The following PTPRD variants were observed in gnomAD, a reference collection of about 807,000 sequenced individuals.
The protein encoded by PTPRD is protein tyrosine phosphatase receptor type D, also known as receptor-type tyrosine-protein phosphatase delta.
Under a neutral mutation model 214.5 loss-of-function variants are expected in PTPRD, and 34 were observed. The ratio of observed to expected loss-of-function variants is 0.16; its 90% CI spans 0.12 to 0.21. The LOEUF (loss-of-function observed/expected upper bound fraction) is 0.21. PTPRD is among the 10% of genes least tolerant of loss of function. PTPRD has a pLI of 1.00. For synonymous variants in PTPRD, 1,128 were observed against 845.7 expected (o/e 1.33, Z -5.79); for missense variants, 2,545 against 2,398.7 (o/e 1.06, Z -1.27).
intron 5 of PTPRD, among the ~76,000 whole-genome samples, chr9:9,865,104 A>G (rs556107909): frequency 1.3e-5 from 2 of 152,288 alleles, no homozygotes; most frequent in Admixed American, 1.3e-4. Context: ...TGTTTCTAAA[A>G]GATCATAGAC....
chr9:8,837,569 C>T (rs1425384253), intron 11 of PTPRD, among the ~76,000 whole-genome samples: 1 of 152,152 alleles, frequency 6.6e-6, no homozygotes, highest in African/African-American at 2.4e-5. Context: ...GTAGCACAAT[C>T]GTGGTGAGCC....
intron 27 of PTPRD, among the ~76,000 whole-genome samples, chr9:8,486,731 C>T (rs1231697480): frequency 6.6e-6 from 1 of 152,084 alleles, no homozygotes; most frequent in Non-Finnish European, 1.5e-5. Context: ...ATTATTTATT[C>T]GTTGAATATG....
chr9:10,483,248 T>G (rs2099111981), intron 2 of PTPRD, among the ~76,000 whole-genome samples: 2 of 152,214 alleles, frequency 1.3e-5, no homozygotes, highest in East Asian at 3.9e-4. Flanking sequence ...AAAATGAAAC[T>G]GGATCCTTAT....
intron 5 of PTPRD, among the ~76,000 whole-genome samples, chr9:9,797,611 T>A (rs2099011250): frequency 6.6e-6 from 1 of 152,074 alleles, no homozygotes; most frequent in African/African-American, 2.4e-5. Flanking sequence ...TTTGGGAGGC[T>A]GAGGCGTGTG....
chr9:10,411,339 C>T (rs1326621336), intron 2 of PTPRD, among the ~76,000 whole-genome samples: 1 of 151,736 alleles, frequency 6.6e-6, no homozygotes, highest in African/African-American at 2.4e-5. Flanking sequence ...TTGTAGTTGA[C>T]TTTCCAGTTA....
intron 6 of PTPRD, among the ~76,000 whole-genome samples, chr9:9,744,864 C>A (rs1257862458): frequency 2.0e-5 from 3 of 151,946 alleles, no homozygotes; most frequent in Non-Finnish European, 4.4e-5. Flanking sequence ...ATAATACCAA[C>A]AATTTTACAA....
At chr9:10,575,652 T>C (rs2069028767) in intron 2 of PTPRD, among the ~76,000 whole-genome samples, 1 of 152,048 alleles carries the variant, frequency 6.6e-6, no homozygotes, top group Non-Finnish European at 1.5e-5. Flanking sequence ...AAGAAAGTGG[T>C]CATTTATGGT....
At chr9:8,703,475 T>C (rs920538273) in intron 12 of PTPRD, among the ~76,000 whole-genome samples, 2 of 152,202 alleles carry the variant, frequency 1.3e-5, no homozygotes, top group Admixed American at 1.3e-4. Context: ...CCAAGTCCAA[T>C]GGACATGTTC....
intron 5 of PTPRD, among the ~76,000 whole-genome samples, chr9:9,815,234 CT>C (rs1173260665): frequency 6.6e-6 from 1 of 152,074 alleles, no homozygotes; most frequent in Non-Finnish European, 1.5e-5. Context: ...GTCGGCTAAT[CT>C]TTGATGAGAG....
chr9:8,790,265 C>T (rs1041059061), intron 11 of PTPRD, among the ~76,000 whole-genome samples: 7 of 152,020 alleles, frequency 4.6e-5, no homozygotes, highest in Admixed American at 4.6e-4. Context: ...ATCCTTCTAC[C>T]TCTGCCTTCC....
intron 4 of PTPRD, among the ~76,000 whole-genome samples, chr9:9,961,625 CAG>C (rs1348586354): frequency 1.3e-5 from 2 of 152,076 alleles, no homozygotes; most frequent in Non-Finnish European, 2.9e-5. Flanking sequence ...TGACTGCCAG[CAG>C]AGTGTGGGAA....
chr9:8,698,877 C>T (rs1038568345), intron 12 of PTPRD, among the ~76,000 whole-genome samples: 20 of 152,134 alleles, frequency 1.3e-4, no homozygotes, highest in African/African-American at 4.8e-4. Flanking sequence ...TCTCACTGTT[C>T]AAGAACAGGA....
intron 37 of PTPRD, among the ~76,000 whole-genome samples, chr9:8,378,347 G>A (rs916825628): frequency 2.0e-5 from 3 of 151,896 alleles, no homozygotes; most frequent in Non-Finnish European, 4.4e-5. Flanking sequence ...CTAAAACCCA[G>A]GTCACAGATG....
At chr9:9,429,469 G>A (rs1383986494) in intron 8 of PTPRD, among the ~76,000 whole-genome samples, 1 of 152,032 alleles carries the variant, frequency 6.6e-6, no homozygotes, top group African/African-American at 2.4e-5. Context: ...TTCTATCAGA[G>A]GTACAAAGAG....
intron 10 of PTPRD, among the ~76,000 whole-genome samples, chr9:9,136,140 A>T (rs1388171017): frequency 6.6e-6 from 1 of 152,176 alleles, no homozygotes; most frequent in East Asian, 1.9e-4. Flanking sequence ...TTACAACTTC[A>T]TCAAATGTTG....
rs558303397 is a variant in PTPRD, at chr9:9,183,465, G to A, written c.-202-102C>T. ...CACCCCATTTTTTAGTGGGGATTGA[G>A]GCAGAGATGAGAAAAAGTAAGCTAG... On this transcript the variant is annotated intron_variant, in intron 9 of 45. Coordinates refer to ENST00000381196, the MANE Select transcript of PTPRD (RefSeq NM_002839.4). 2.4e-3 allele frequency: 363 copies of A among 152,048 alleles called. 2 individuals are homozygous for A. The highest frequency in any genetic ancestry group is 8.4e-3 in the African/African-American group (349 of 41,520). 9.4% of individuals were successfully genotyped at this position (152,048 alleles called of 1,614,324 possible).
At chr9:9,917,108 A>C (rs538430849) in intron 5 of PTPRD, among the ~76,000 whole-genome samples, 3 of 150,972 alleles carry the variant, frequency 2.0e-5, no homozygotes, top group Non-Finnish European at 4.4e-5. Flanking sequence ...ATCAAAAAAA[A>C]CTAGAAAAAT....
chr9:9,510,771 A>G lies in PTPRD; in HGVS notation c.-237+63961T>C, dbSNP rs2096684902. 2.6e-5 allele frequency among the ~76,000 whole-genome samples: 4 copies of G among 151,704 alleles called. No homozygotes were observed. The South Asian group carries it at 8.3e-4, about 31-fold the overall frequency. Reference sequence around the variant, plus strand: ...TGCATCCTTGATTTACCACCTCATTATATAATAAAATAAAATAGTGGCAAA... The same window carrying G: ...TGCATCCTTGATTTACCACCTCATTGTATAATAAAATAAAATAGTGGCAAA... On this transcript the variant is annotated intron_variant, in intron 8 of 45. Coordinates refer to ENST00000381196, the MANE Select transcript of PTPRD (RefSeq NM_002839.4).
intron 3 of PTPRD, among the ~76,000 whole-genome samples, chr9:10,197,221 T>C (rs2099401779): frequency 1.3e-5 from 2 of 152,134 alleles, no homozygotes; most frequent in South Asian, 2.1e-4. Context: ...CTTTCCTCTT[T>C]TGATGCATTC....
Sources: allele counts gnomAD v4.1 joint callset (sites outside exome capture counted in the v4.1 genomes callset), GRCh38; gene constraint gnomAD v4.1.1; transcripts MANE v1.5; gene names NCBI Gene and HGNC (gene_info 2026-07-23, HGNC 2026-07-21).